The following RBFOX1 variants were observed in gnomAD, a reference collection of about 807,000 sequenced individuals.
RBFOX1 encodes the protein RNA binding fox-1 homolog 1.
A neutral mutation model predicts 57.7 loss-of-function variants in RBFOX1; 8 were observed. That is an observed-to-expected ratio of 0.14 (90% CI 0.08 to 0.25). RBFOX1 has a LOEUF of 0.25. Ranked by LOEUF, RBFOX1 falls within the 10% of genes least tolerant of loss-of-function variation. The pLI, the probability that RBFOX1 is intolerant of heterozygous loss-of-function variation, is 1.00. For synonymous variants in RBFOX1, 326 were observed against 222.4 expected (o/e 1.47, Z -4.15); for missense variants, 611 against 548.5 (o/e 1.11, Z -1.14).
chr16:6,915,139 C>G (rs997331082), intron 3 of RBFOX1, among the ~76,000 whole-genome samples: 12 of 152,172 alleles, frequency 7.9e-5, no homozygotes, highest in Admixed American at 2.0e-4. Flanking sequence ...CGGAGCCATG[C>G]TCTCCAGACT....
intron 1 of RBFOX1, among the ~76,000 whole-genome samples, chr16:5,384,591 C>T (rs1481494597): frequency 1.3e-5 from 2 of 152,066 alleles, no homozygotes; most frequent in African/African-American, 4.8e-5. Flanking sequence ...GAATATGACT[C>T]CAAAGGTGAT....
chr16:5,290,857 C>T (rs1272245943), intron 1 of RBFOX1, among the ~76,000 whole-genome samples: 1 of 152,104 alleles, frequency 6.6e-6, no homozygotes, highest in African/African-American at 2.4e-5. Flanking sequence ...CACCACCACA[C>T]CTGGCTAATT....
chr16:6,246,302 C>T (rs963357447), intron 1 of RBFOX1, among the ~76,000 whole-genome samples: 3 of 152,132 alleles, frequency 2.0e-5, no homozygotes, highest in Non-Finnish European at 4.4e-5. Flanking sequence ...TCTTAGTGGG[C>T]TATAGTTACT....
intron 2 of RBFOX1, among the ~76,000 whole-genome samples, chr16:5,547,309 T>C (rs2045250743): frequency 6.6e-6 from 1 of 152,156 alleles, no homozygotes; most frequent in African/African-American, 2.4e-5. Flanking sequence ...TGCATGAACA[T>C]TGATGGTGAT....
intron 1 of RBFOX1, among the ~76,000 whole-genome samples, chr16:6,169,211 T>C (rs779484860): frequency 8.0e-4 from 122 of 152,274 alleles, no homozygotes; most frequent in Middle Eastern, 6.8e-3. Flanking sequence ...ATTGACTTGG[T>C]AGATGGAACT....
At chr16:7,255,028 T>C (rs1212209601) in intron 4 of RBFOX1, among the ~76,000 whole-genome samples, 3 of 152,240 alleles carry the variant, frequency 2.0e-5, no homozygotes, top group African/African-American at 7.2e-5. Flanking sequence ...TGCATAATTT[T>C]GGAACTTTAT....
intron 3 of RBFOX1, among the ~76,000 whole-genome samples, chr16:6,937,737 A>G (rs1390171617): frequency 6.6e-6 from 1 of 152,100 alleles, no homozygotes; most frequent in Non-Finnish European, 1.5e-5. Flanking sequence ...GGGTTAGGAT[A>G]AGGGGTTGTG....
intron 4 of RBFOX1, among the ~76,000 whole-genome samples, chr16:5,906,269 C>G (rs1406254925): frequency 2.0e-5 from 3 of 151,998 alleles, no homozygotes; most frequent in Non-Finnish European, 4.4e-5. Context: ...AGGGTGGGCC[C>G]CAAATGAAGT....
In RBFOX1 at chr16:5,665,139, GGC is replaced by G. The variant is rs994534355; in HGVS notation, c.318+66180_318+66181del. Reference sequence around the variant, plus strand: ...TTTTTGATATTTTTACATGGGGGGGGGCGGTCTTGCTATATTGCCCAGGCTGG... The same window carrying G: ...TTTTTGATATTTTTACATGGGGGGGGGGTCTTGCTATATTGCCCAGGCTGG... On this transcript the variant is annotated intron_variant, in intron 3 of 19. Coordinates refer to the RBFOX1 transcript ENST00000641259. Among the ~76,000 whole-genome samples, 134 of 115,500 alleles carry G rather than the reference GGC, an allele frequency of 1.2e-3. 11 individuals are homozygous for G. In the East Asian group the frequency reaches 0.014, roughly 12 times the overall value. The allele number at this position is 115,500 out of a possible 152,430, so 75.8% of individuals were successfully genotyped here. A position where few individuals can be genotyped will look rare whatever the true frequency, so the allele number is the denominator to read the frequency against.
intron 4 of RBFOX1, among the ~76,000 whole-genome samples, chr16:7,354,413 C>G (rs149671496): frequency 6.6e-6 from 1 of 151,928 alleles, no homozygotes; most frequent in Admixed American, 6.6e-5. Flanking sequence ...GCCTGTTTTC[C>G]CTCAGGAAAT....
chr16:7,332,578 C>T (rs2096712238), intron 4 of RBFOX1, among the ~76,000 whole-genome samples: 1 of 151,980 alleles, frequency 6.6e-6, no homozygotes, highest in African/African-American at 2.4e-5. Flanking sequence ...CCATGTAGAC[C>T]CCATCCCTTG....
intron 3 of RBFOX1, chr16:5,632,535 T>C (rs1177734460): frequency 2.0e-5 from 3 of 152,226 alleles, no homozygotes; most frequent in African/African-American, 4.8e-5. Context: ...TGATGTCTTG[T>C]AGGAACAGTT....
At chr16:5,970,630 T>A (rs1567204978) in intron 4 of RBFOX1, among the ~76,000 whole-genome samples, 1 of 152,174 alleles carries the variant, frequency 6.6e-6, no homozygotes, top group Non-Finnish European at 1.5e-5. Context: ...CCAAGTCAAA[T>A]TAGCACCTGC....
intron 4 of RBFOX1, among the ~76,000 whole-genome samples, chr16:7,490,603 C>G (rs2066671358): frequency 6.6e-6 from 1 of 152,162 alleles, no homozygotes; most frequent in African/African-American, 2.4e-5. Flanking sequence ...CCCACATTAA[C>G]TTGGGTTAGC....
At chr16:6,527,050 A>C (rs1236869655) in intron 2 of RBFOX1, among the ~76,000 whole-genome samples, 4 of 151,954 alleles carry the variant, frequency 2.6e-5, no homozygotes, top group Non-Finnish European at 5.9e-5. Flanking sequence ...CGCCTCCCAA[A>C]AGAATTTGAC....
rs1054974307 is a variant in RBFOX1 at position 7,637,122 on chromosome 16, G to A, written c.757+6439G>A. On this transcript the variant is annotated intron_variant, in intron 11 of 15. Coordinates refer to ENST00000550418, the MANE Select transcript of RBFOX1 (RefSeq NM_018723.4). ...CTGGAAGAAATTTCTTTATTGTTCC[G>A]TATGCTTATCAATGCCAATGAGCGC... Among the ~76,000 whole-genome samples the A allele has an allele frequency of 5.3e-4, 81 of 152,136 alleles. 3 individuals are homozygous for A. Among genetic ancestry groups the A allele is most frequent in the Admixed American group, 3.1e-3 (47 of 15,290 alleles).
At chr16:6,448,371 C>G (rs2153040115) in intron 2 of RBFOX1, among the ~76,000 whole-genome samples, 1 of 151,984 alleles carries the variant, frequency 6.6e-6, no homozygotes, top group South Asian at 2.1e-4. Context: ...GTTGACCAGG[C>G]TGGTCTTGAA....
intron 3 of RBFOX1, among the ~76,000 whole-genome samples, chr16:7,051,427 C>T (rs1399776435): frequency 6.6e-6 from 1 of 152,234 alleles, no homozygotes; most frequent in Admixed American, 6.5e-5. Flanking sequence ...ATAATTAATG[C>T]ATGGCATATG....
At chr16:7,096,555 C>T (rs537510259) in intron 4 of RBFOX1, among the ~76,000 whole-genome samples, 30 of 152,152 alleles carry the variant, frequency 2.0e-4, no homozygotes, top group Admixed American at 1.6e-3. Flanking sequence ...CTTACCTACC[C>T]CTGAACCCAT....
Sources: allele counts gnomAD v4.1 joint callset (sites outside exome capture counted in the v4.1 genomes callset), GRCh38; gene constraint gnomAD v4.1.1; transcripts MANE v1.5; gene names NCBI Gene and HGNC (gene_info 2026-07-23, HGNC 2026-07-21).